Variants in TTLL9 observed in about 807,000 individuals in gnomAD.
TTLL9 encodes the protein probable tubulin polyglutamylase TTLL9.
A neutral mutation model predicts 65.6 loss-of-function variants in TTLL9; 47 were observed. The ratio of observed to expected loss-of-function variants is 0.72; its 90% CI spans 0.57 to 0.91. The LOEUF (loss-of-function observed/expected upper bound fraction) is 0.91, where lower values mean the gene tolerates loss of function less well. Among genes scored for constraint, TTLL9 ranks in the 40% least tolerant of loss-of-function variants. The pLI is 0.00. For missense variants in TTLL9, 537 were observed against 568.8 expected, an observed-to-expected ratio of 0.94 and a Z score of 0.57; for synonymous variants, 179 against 204.8, an observed-to-expected ratio of 0.87 and a Z score of 1.07.
intron 6 of TTLL9, among the ~76,000 whole-genome samples, chr20:31,914,287 T>G (rs1448754258): frequency 6.6e-6 from 1 of 152,244 alleles, no homozygotes. Flanking sequence ...ACTTCTGTAC[T>G]GTTTTTATGC....
chr20:31,934,966 C>A, intron 12 of TTLL9, 78 bp downstream of exon 12: 2 of 1,350,046 alleles, frequency 1.5e-6, no homozygotes, highest in Non-Finnish European at 2.1e-6. Context: ...TGAATCCCAG[C>A]TCTGCCAATT....
At chr20:31,941,553 G>GT (rs138890716) in intron 14 of TTLL9, among the ~76,000 whole-genome samples, 6,796 of 144,856 alleles carry the variant, frequency 0.047, 393 homozygotes, top group African/African-American at 0.14. Context: ...GAGAGCTACT[G>GT]TTTTTTTTTT....
intron 8 of TTLL9, among the ~76,000 whole-genome samples, chr20:31,923,290 C>T (rs1170320322): frequency 6.6e-6 from 1 of 152,242 alleles, no homozygotes; most frequent in Non-Finnish European, 1.5e-5. Context: ...CCTTTAAAAA[C>T]CAACTTATTC....
chr20:31,876,716 C>T lies in TTLL9; in HGVS notation c.69+5521C>T, dbSNP rs189597460. ...CTGGGTTGTAAGGTGTGTGCATTTT[C>T]AACTTTATGAGATATTGCCAAATTG... On this transcript the variant is annotated intron_variant, in intron 2 of 14. Transcript: ENST00000535842. 2.6e-4 allele frequency among the ~76,000 whole-genome samples: 39 copies of T among 152,220 alleles called. 1 individual carries two copies. In the East Asian group the frequency reaches 6.8e-3, roughly 26 times the overall value.
chr20:31,909,505 G>A (rs142422184), intron 5 of TTLL9, among the ~76,000 whole-genome samples: 8 of 152,242 alleles, frequency 5.3e-5, no homozygotes, highest in African/African-American at 1.4e-4. Flanking sequence ...CAGCACCTTC[G>A]TTGGATAGCT....
At chr20:31,874,315 T>C (rs1186115345) in intron 2 of TTLL9, among the ~76,000 whole-genome samples, 3 of 152,140 alleles carry the variant, frequency 2.0e-5, no homozygotes, top group Non-Finnish European at 2.9e-5. Flanking sequence ...CAAAGGTGTT[T>C]ACACTCTATT....
intron 1 of TTLL9, 42 bp from the exon 2 acceptor site, chr20:31,871,080 T>A: frequency 1.9e-6 from 3 of 1,570,882 alleles, no homozygotes; most frequent in South Asian, 1.1e-5. Context: ...CATCCATTCA[T>A]CCATCCTCTC....
chr20:31,912,160 C>T (rs533366648), intron 6 of TTLL9, among the ~76,000 whole-genome samples: 2 of 152,166 alleles, frequency 1.3e-5, no homozygotes, highest in Non-Finnish European at 2.9e-5. Context: ...CATTAGGTGC[C>T]TGATAATTGA....
chr20:31,942,911 G>C (rs1319629426), intron 14 of TTLL9, 34 bp from the exon 15 acceptor site: 2 of 1,612,162 alleles, frequency 1.2e-6, no homozygotes, highest in African/African-American at 2.7e-5. Flanking sequence ...CCCAAGCATA[G>C]GTCATCCCAG....
intron 2 of TTLL9, 62 bp downstream of exon 2, chr20:31,871,257 T>C: frequency 7.7e-6 from 12 of 1,553,960 alleles, no homozygotes; most frequent in Non-Finnish European, 9.8e-6. Flanking sequence ...CATCAGGATG[T>C]ATTAATAGCT....
chr20:31,933,876 G>T lies in TTLL9; in HGVS notation c.807+18G>T, dbSNP rs780781817. 1 of 1,611,644 alleles carries T rather than the reference G, an allele frequency of 6.2e-7. No individual in the cohort carries two copies. Among genetic ancestry groups the T allele is most frequent in the East Asian group, 2.2e-5 (1 of 44,770 alleles). On this transcript the variant is annotated intron_variant, in intron 11 of 14. Coordinates refer to ENST00000535842, the MANE Select transcript of TTLL9 (RefSeq NM_001008409.5). ...CAAAGAAGGTGAGGAAGCCGGGCTC[G>T]GCTATGCACGGGTACAGCCCTCTGG...
At chr20:31,923,882 C>T (rs548473119) in intron 8 of TTLL9, among the ~76,000 whole-genome samples, 6 of 152,264 alleles carry the variant, frequency 3.9e-5, no homozygotes, top group South Asian at 2.1e-4. Context: ...AGGCCAGTGA[C>T]TCCCAGCTTT....
intron 10 of TTLL9, among the ~76,000 whole-genome samples, chr20:31,926,479 T>C (rs966444654): frequency 6.6e-6 from 1 of 152,064 alleles, no homozygotes; most frequent in Non-Finnish European, 1.5e-5. Context: ...TTGAAGACAA[T>C]CTAGCAAAGA....
chr20:31,894,697 CTT>C (rs2063357086), intron 3 of TTLL9, among the ~76,000 whole-genome samples: 1 of 150,530 alleles, frequency 6.6e-6, no homozygotes, highest in African/African-American at 2.5e-5. Context: ...CATACACACA[CTT>C]TATATATATA....
Position 31,933,892 on chromosome 20 carries a change from A to T in TTLL9, c.807+34A>T, listed in dbSNP as rs772688254. 2.3e-5 allele frequency: 37 copies of T among 1,602,270 alleles called. No homozygotes were observed. The South Asian group carries it at 4.2e-4, about 18-fold the overall frequency. On this transcript the variant is annotated intron_variant, in intron 11 of 14. Coordinates refer to ENST00000535842, the MANE Select transcript of TTLL9 (RefSeq NM_001008409.5). ...GCCGGGCTCGGCTATGCACGGGTAC[A>T]GCCCTCTGGCGCCAGGTCGGGGTGG...
At position 31,921,995 on chromosome 20, in the gene TTLL9, G is replaced by C. The variant is rs140134167; in HGVS notation, c.574-968G>C. 5.5e-3 allele frequency among the ~76,000 whole-genome samples: 836 copies of C among 152,110 alleles called. 5 individuals carry two copies. Among genetic ancestry groups the C allele is most frequent in the Middle Eastern group, 0.017 (5 of 294 alleles). ...AATAAAAAAAAATTGTGGGTCGGGC[G>C]TGGTGGCTCACACCTGTAATCCCAG... On this transcript the variant is annotated intron_variant, in intron 7 of 14. Transcript: ENST00000535842.
At position 31,880,053 on chromosome 20, in the gene TTLL9, G is replaced by T. The variant is rs113260296; in HGVS notation, c.70-7143G>T. Among the ~76,000 whole-genome samples, 429 of 151,980 alleles carry T rather than the reference G, an allele frequency of 2.8e-3. 4 individuals carry two copies. Among genetic ancestry groups the T allele is most frequent in the African/African-American group, 0.01 (417 of 41,406 alleles). On this transcript the variant is annotated intron_variant, in intron 2 of 14. Coordinates refer to ENST00000535842, the MANE Select transcript of TTLL9 (RefSeq NM_001008409.5). Reference sequence around the variant, plus strand: ...TGGGTTGTTCTCGCGGAGGAATTCCGAAAACAGGAAGAAAAAAAGCCGAGG... The same window carrying T: ...TGGGTTGTTCTCGCGGAGGAATTCCTAAAACAGGAAGAAAAAAAGCCGAGG...
At chr20:31,892,113 A>C (rs1367281821) in intron 3 of TTLL9, among the ~76,000 whole-genome samples, 2 of 151,842 alleles carry the variant, frequency 1.3e-5, no homozygotes, top group African/African-American at 2.4e-5. Flanking sequence ...TAAGCCGATA[A>C]ATTTTTAAAA....
At chr20:31,875,573 T>C (rs1299039374) in intron 2 of TTLL9, among the ~76,000 whole-genome samples, 1 of 152,212 alleles carries the variant, frequency 6.6e-6, no homozygotes, top group Non-Finnish European at 1.5e-5. Context: ...CTTCCCATCC[T>C]CCTTACCAAG....
Sources: gnomAD v4.1 joint callset for allele counts (sites outside exome capture counted in the v4.1 genomes callset) on GRCh38, gnomAD v4.1.1 for gene constraint, MANE v1.5 for transcripts, NCBI Gene and HGNC (gene_info 2026-07-23, HGNC 2026-07-21) for gene names.